Variants in DISC1 observed in about 807,000 individuals in gnomAD.
The protein encoded by DISC1 is DISC1 scaffold protein, also known as disrupted in schizophrenia 1 protein.
In DISC1, 57 loss-of-function variants were observed where a neutral mutation model predicts 84.5. The ratio of observed to expected loss-of-function variants is 0.67; its 90% CI spans 0.55 to 0.84. DISC1 has a LOEUF of 0.84. Ranked by LOEUF, DISC1 falls within the 40% of genes least tolerant of loss-of-function variation. DISC1 has a pLI of 0.00. For missense variants in DISC1, 1,000 were observed against 1,057.8 expected (o/e 0.95, Z 0.76); for synonymous variants, 411 against 415.2 (o/e 0.99, Z 0.12).
intron 1 of DISC1, among the ~76,000 whole-genome samples, chr1:231,677,892 G>A (rs771605642): frequency 1.3e-5 from 2 of 152,036 alleles, no homozygotes; most frequent in African/African-American, 4.8e-5. Context: ...CAGGAGGATC[G>A]CTTGAACCTG....
intron 9 of DISC1, among the ~76,000 whole-genome samples, chr1:231,887,510 T>A (rs919675173): frequency 2.0e-5 from 3 of 152,222 alleles, no homozygotes; most frequent in Admixed American, 2.0e-4. Context: ...TTGTAGAATA[T>A]CTGAATCCTG....
chr1:231,801,529 G>A (rs1373021984), intron 8 of DISC1, among the ~76,000 whole-genome samples: 2 of 152,170 alleles, frequency 1.3e-5, no homozygotes, highest in African/African-American at 4.8e-5. Context: ...GGTCAGCTGA[G>A]AAAATTGGTG....
intron 6 of DISC1, among the ~76,000 whole-genome samples, chr1:231,776,612 G>A (rs2076985072): frequency 6.6e-6 from 1 of 152,208 alleles, no homozygotes; most frequent in Non-Finnish European, 1.5e-5. Flanking sequence ...CCTGGCGGGG[G>A]GCACTGATTA....
intron 7 of DISC1, among the ~76,000 whole-genome samples, chr1:231,797,970 T>C (rs906422624): frequency 6.6e-6 from 1 of 151,878 alleles, no homozygotes; most frequent in Non-Finnish European, 1.5e-5. Flanking sequence ...GGGGCCTATA[T>C]TAGTCCACAG....
At chr1:231,645,501 C>T (rs1419846986) in intron 1 of DISC1, among the ~76,000 whole-genome samples, 1 of 149,240 alleles carries the variant, frequency 6.7e-6, no homozygotes, top group Non-Finnish European at 1.5e-5. Context: ...TGTCATGTCA[C>T]TTCTTTTTTT....
In DISC1 at chr1:232,009,514, TCAAATATATGTATTTATCC is replaced by T; in HGVS notation, c.2307+468_2307+486del. 6.5e-6 allele frequency: 5 copies of T among 774,758 alleles called. No homozygotes were observed. Among genetic ancestry groups the T allele is most frequent in the Non-Finnish European group, 7.8e-6 (5 of 638,534 alleles). The allele number at this position is 774,758 out of a possible 1,614,324, so 48.0% of individuals were successfully genotyped here. A position where few individuals can be genotyped will look rare whatever the true frequency, so the allele number is the denominator to read the frequency against. On this transcript the variant is annotated intron_variant, in intron 11 of 12. Transcript: ENST00000439617. The surrounding 1 kb of genome is among the most constrained non-coding windows in gnomAD (Gnocchi z 4.6). The stretch of plus-strand genomic sequence containing the variant: ...ATTATTATTTATTTGAATGAAACAT[TCAAATATATGTATTTATCC>T]CATTAATTGTTTTTACCAAAACCAG...
chr1:231,714,729 GGA>G (rs151303418), intron 3 of DISC1, among the ~76,000 whole-genome samples: 232 of 148,266 alleles, frequency 1.6e-3, no homozygotes, highest in African/African-American at 4.7e-3. Context: ...AAAGATATAG[GGA>G]GAGAGAGAGA....
chr1:231,946,500 ATAT>A (rs528774676), intron 9 of DISC1, among the ~76,000 whole-genome samples: 64 of 152,344 alleles, frequency 4.2e-4, no homozygotes, highest in South Asian at 1.9e-3. Context: ...CCCACAGCCA[ATAT>A]TATACTGAAT....
At chr1:231,642,096 G>C (rs2059753445) in intron 1 of DISC1, among the ~76,000 whole-genome samples, 1 of 152,212 alleles carries the variant, frequency 6.6e-6, no homozygotes, top group African/African-American at 2.4e-5. Context: ...CCTGCCCCGC[G>C]GGAAGGCAGC....
In DISC1 at chr1:231,694,684, T is replaced by C; in HGVS notation, c.926T>C (p.Leu309Pro). The change falls in exon 2 of 13, where the codon CTG (leucine) becomes CCG (proline). Residue 309 changes from leucine to proline, a missense_variant. Transcript: ENST00000439617. The stretch of plus-strand genomic sequence containing the variant: ...TCCTCCAGTTCTCTGGATCCCTCAC[T>C]GGCTGGCTGTGGTGGTGATGGGAGC... ...PGSSSSLDPS[L>P]AGCGGDGSSG... The C allele has an allele frequency of 6.2e-7, 1 of 1,614,190 alleles. No homozygotes were observed. The highest frequency in any genetic ancestry group is 8.5e-7 in the Non-Finnish European group (1 of 1,180,028).
At chr1:231,787,885 C>T (rs2078013101) in intron 6 of DISC1, among the ~76,000 whole-genome samples, 1 of 152,200 alleles carries the variant, frequency 6.6e-6, no homozygotes, top group African/African-American at 2.4e-5. Context: ...ATGAGTGACC[C>T]TCCACATTGT....
At chr1:231,862,916 T>C (rs963512092) in intron 9 of DISC1, among the ~76,000 whole-genome samples, 1 of 152,170 alleles carries the variant, frequency 6.6e-6, no homozygotes, top group Non-Finnish European at 1.5e-5. Context: ...GACATTGTTC[T>C]CAGTTTGTTG....
chr1:231,884,624 G>T (rs1443355695), intron 9 of DISC1, among the ~76,000 whole-genome samples: 3 of 152,034 alleles, frequency 2.0e-5, no homozygotes, highest in Admixed American at 6.5e-5. Flanking sequence ...AACAATAGAC[G>T]CTGGGGCCTA....
chr1:231,809,256 G>T (rs1468720507), intron 8 of DISC1, among the ~76,000 whole-genome samples: 1 of 152,144 alleles, frequency 6.6e-6, no homozygotes, highest in Non-Finnish European at 1.5e-5. Flanking sequence ...AATTGCCTTA[G>T]AATTTATAGG....
At chr1:231,831,657 C>A (rs946443325) in intron 9 of DISC1, among the ~76,000 whole-genome samples, 1 of 101,070 alleles carries the variant, frequency 9.9e-6, no homozygotes, top group Non-Finnish European at 2.2e-5. Flanking sequence ...CCGCCTTGAG[C>A]AGAGTTTTTA....
intron 1 of DISC1, among the ~76,000 whole-genome samples, chr1:231,670,054 C>T (rs901648365): frequency 2.0e-5 from 3 of 151,462 alleles, no homozygotes; most frequent in Non-Finnish European, 3.0e-5. Context: ...AAAAAGAATG[C>T]GATAGGGACC....
chr1:231,952,089 TC>T (rs1375185729), intron 9 of DISC1, among the ~76,000 whole-genome samples: 4 of 25,172 alleles, frequency 1.6e-4, no homozygotes, highest in African/African-American at 5.0e-4. Flanking sequence ...TCTCAATGTC[TC>T]AAAAAAAAAA....
intron 10 of DISC1, among the ~76,000 whole-genome samples, chr1:231,992,979 A>G (rs1665424086): frequency 6.6e-6 from 1 of 152,180 alleles, no homozygotes; most frequent in African/African-American, 2.4e-5. Context: ...TCTGTAGACA[A>G]AACCCAGAGA....
chr1:231,820,205 G>A (rs939865258), intron 9 of DISC1, among the ~76,000 whole-genome samples: 2 of 152,124 alleles, frequency 1.3e-5, no homozygotes, highest in African/African-American at 2.4e-5. Flanking sequence ...GGCTTTAGGT[G>A]AACCAAATTA....
Sources: gnomAD v4.1 joint callset for allele counts (sites outside exome capture counted in the v4.1 genomes callset) on GRCh38, gnomAD v4.1.1 for gene constraint, Gnocchi (gnomAD v3.1) non-coding constraint, MANE v1.5 for transcripts, NCBI Gene and HGNC (gene_info 2026-07-23, HGNC 2026-07-21) for gene names.